CNTNAP5: variants seen among roughly 807,000 people sequenced by gnomAD.
CNTNAP5 encodes the protein contactin-associated protein-like 5.
CNTNAP5 carries 72 observed loss-of-function variants against 150.2 expected under a neutral mutation model. The ratio of observed to expected loss-of-function variants is 0.48; its 90% CI spans 0.40 to 0.58. The LOEUF (loss-of-function observed/expected upper bound fraction) is 0.58. Ranked by LOEUF, CNTNAP5 falls within the 20% of genes least tolerant of loss-of-function variation. The pLI is 0.00. For missense variants in CNTNAP5, 1,636 were observed against 1,626.2 expected (o/e 1.01, Z -0.10); for synonymous variants, 672 against 619.8 (o/e 1.08, Z -1.25).
intron 3 of CNTNAP5, among the ~76,000 whole-genome samples, chr2:124,262,293 G>A (rs1687478810): frequency 6.6e-6 from 1 of 152,020 alleles, no homozygotes; most frequent in South Asian, 2.1e-4. Context: ...GGACTATGAT[G>A]AAAGATATAT....
intron 16 of CNTNAP5, among the ~76,000 whole-genome samples, chr2:124,771,707 C>T (rs904789846): frequency 1.4e-5 from 2 of 139,592 alleles, no homozygotes; most frequent in African/African-American, 5.3e-5. Context: ...GCGCCATCAC[C>T]ATCACCTTCA....
At chr2:124,131,440 G>A (rs1450704378) in intron 1 of CNTNAP5, among the ~76,000 whole-genome samples, 1 of 152,146 alleles carries the variant, frequency 6.6e-6, no homozygotes, top group Non-Finnish European at 1.5e-5. Context: ...ATGGAGAAGG[G>A]TTAAGTAAAT....
intron 21 of CNTNAP5, among the ~76,000 whole-genome samples, chr2:124,876,217 C>A (rs538930984): frequency 1.3e-5 from 2 of 152,114 alleles, no homozygotes; most frequent in African/African-American, 2.4e-5. Flanking sequence ...TTTCAAGGAC[C>A]AATCCCAGAC....
intron 19 of CNTNAP5, among the ~76,000 whole-genome samples, chr2:124,818,022 G>T (rs1280095838): frequency 1.3e-5 from 2 of 152,094 alleles, no homozygotes; most frequent in Admixed American, 1.3e-4. Flanking sequence ...ACTGCCCCGT[G>T]TTTTCACTTG....
At chr2:124,276,450 A>T (rs1687885206) in intron 3 of CNTNAP5, among the ~76,000 whole-genome samples, 1 of 152,238 alleles carries the variant, frequency 6.6e-6, no homozygotes. Flanking sequence ...TGGCATTTTT[A>T]CAACTATGTC....
chr2:124,540,649 A>G (rs547073233), intron 10 of CNTNAP5, among the ~76,000 whole-genome samples: 4 of 151,802 alleles, frequency 2.6e-5, no homozygotes, highest in Non-Finnish European at 5.9e-5. Flanking sequence ...TCCTTGGATC[A>G]GGAATCTGCT....
At chr2:124,892,210 T>C (rs1255446045) in intron 21 of CNTNAP5, among the ~76,000 whole-genome samples, 4 of 152,156 alleles carry the variant, frequency 2.6e-5, no homozygotes, top group South Asian at 4.1e-4. Flanking sequence ...ATTTAACTTA[T>C]GAGGATGATT....
At chr2:124,509,620 T>C (rs541154998) in intron 8 of CNTNAP5, among the ~76,000 whole-genome samples, 62 of 152,360 alleles carry the variant, frequency 4.1e-4, no homozygotes, top group African/African-American at 1.4e-3. Flanking sequence ...AAAGTGATGT[T>C]CAACCTCAGC....
At chr2:124,137,926 A>G (rs767747228) in intron 1 of CNTNAP5, among the ~76,000 whole-genome samples, 20 of 152,190 alleles carry the variant, frequency 1.3e-4, no homozygotes, top group Non-Finnish European at 1.9e-4. Context: ...TGCCCTGCAC[A>G]TGCCTTCATT....
chr2:124,221,875 G>C (rs1219393556), intron 2 of CNTNAP5, 66 bp downstream of exon 2: 4 of 1,002,934 alleles, frequency 4.0e-6, no homozygotes, highest in Non-Finnish European at 4.6e-6. Context: ...AGGTGAAGGA[G>C]AGTGAGCACT....
rs1257971030 is a variant in CNTNAP5, at chr2:124,594,037, C to A, written c.1757-15764C>A. 1.4e-3 allele frequency among the ~76,000 whole-genome samples: 155 copies of A among 107,502 alleles called. 1 individual carries two copies. Among genetic ancestry groups the A allele is most frequent in the African/African-American group, 5.0e-3 (145 of 29,118 alleles). 70.5% of individuals were successfully genotyped at this position (107,502 alleles called of 152,430 possible). ...GTTCATTGTAGATTCTGGATATTAG[C>A]CCTTTGTCAGATGAGTAGGTTGCGA... On this transcript the variant is annotated intron_variant, in intron 11 of 23. Coordinates refer to ENST00000682447, the MANE Select transcript of CNTNAP5 (RefSeq NM_001367498.1).
At chr2:124,070,266 G>C (rs183299729) in intron 1 of CNTNAP5, among the ~76,000 whole-genome samples, 214 of 151,724 alleles carry the variant, frequency 1.4e-3, no homozygotes, top group African/African-American at 4.9e-3. Flanking sequence ...AGGAAAGAAA[G>C]AAGCAAAACC....
intron 1 of CNTNAP5, among the ~76,000 whole-genome samples, chr2:124,059,575 C>T (rs1158107777): frequency 3.3e-5 from 5 of 151,998 alleles, no homozygotes; most frequent in African/African-American, 1.2e-4. Context: ...CTTTGTCATA[C>T]ACGGCACATA....
At chr2:124,356,756 A>T (rs919640706) in intron 3 of CNTNAP5, among the ~76,000 whole-genome samples, 1 of 151,782 alleles carries the variant, frequency 6.6e-6, no homozygotes, top group Admixed American at 6.6e-5. Flanking sequence ...GAATAATGCC[A>T]CAATAAACAT....
At chr2:124,655,995 G>GAAAGAAAGAAAGAAAA (rs1558722572) in intron 13 of CNTNAP5, among the ~76,000 whole-genome samples, 1 of 129,480 alleles carries the variant, frequency 7.7e-6, no homozygotes, top group Admixed American at 8.3e-5. Flanking sequence ...AAGAAAGAAA[G>GAAAGAAAGAAAGAAAA]AAAAAAGGAA....
chr2:124,770,053 T>C (rs2104607963), intron 16 of CNTNAP5, among the ~76,000 whole-genome samples: 1 of 152,332 alleles, frequency 6.6e-6, no homozygotes, highest in African/African-American at 2.4e-5. Context: ...AGTATGTCTT[T>C]AACAGTTGCT....
At chr2:124,049,261 C>T (rs1346132857) in intron 1 of CNTNAP5, among the ~76,000 whole-genome samples, 2 of 152,126 alleles carry the variant, frequency 1.3e-5, no homozygotes, top group Non-Finnish European at 2.9e-5. Context: ...TATTCATTGC[C>T]ATCAGGAAGG....
At chr2:124,092,955 T>C (rs758548400) in intron 1 of CNTNAP5, among the ~76,000 whole-genome samples, 18 of 152,206 alleles carry the variant, frequency 1.2e-4, no homozygotes, top group African/African-American at 1.4e-4. Flanking sequence ...GGCTTCCTGA[T>C]GCCTATAACA....
intron 3 of CNTNAP5, among the ~76,000 whole-genome samples, chr2:124,346,155 C>G (rs1166342751): frequency 6.6e-6 from 1 of 152,086 alleles, no homozygotes; most frequent in East Asian, 1.9e-4. Context: ...CACTCACTTG[C>G]TTACTTAAAT....
Sources: allele counts gnomAD v4.1 joint callset (sites outside exome capture counted in the v4.1 genomes callset), GRCh38; gene constraint gnomAD v4.1.1; transcripts MANE v1.5; gene names NCBI Gene and HGNC (gene_info 2026-07-23, HGNC 2026-07-21).